RAP1GAP2: variants seen among roughly 807,000 people sequenced by gnomAD.
RAP1GAP2 encodes the protein RAP1 GTPase activating protein 2.
A neutral mutation model predicts 95.0 loss-of-function variants in RAP1GAP2; 27 were observed. The observed-to-expected ratio is 0.28, with a 90% CI of 0.21 to 0.39. RAP1GAP2 has a LOEUF of 0.39. Among genes scored for constraint, RAP1GAP2 ranks in the 10% least tolerant of loss-of-function variants. The pLI, the probability that RAP1GAP2 is intolerant of heterozygous loss-of-function variation, is 1.00. For missense variants in RAP1GAP2, 771 were observed against 970.0 expected (o/e 0.79, Z 2.72); for synonymous variants, 373 against 380.9 (o/e 0.98, Z 0.24).
At chr17:2,869,987 G>A (rs1304466442) in intron 2 of RAP1GAP2, among the ~76,000 whole-genome samples, 1 of 152,164 alleles carries the variant, frequency 6.6e-6, no homozygotes, top group African/African-American at 2.4e-5. Flanking sequence ...CCTGCTTTGA[G>A]ATGGGCAGCA....
chr17:3,032,343 G>C (rs1401037387), intron 23 of RAP1GAP2, 68 bp from the exon 24 acceptor site: 4 of 1,596,750 alleles, frequency 2.5e-6, no homozygotes, highest in Non-Finnish European at 3.4e-6. Flanking sequence ...TGAGTGCACA[G>C]AGCCGCCGTG....
chr17:2,968,194 A>C (rs1311123666), intron 8 of RAP1GAP2, among the ~76,000 whole-genome samples: 1 of 152,242 alleles, frequency 6.6e-6, no homozygotes, highest in Non-Finnish European at 1.5e-5. Flanking sequence ...GAGTGAGCCA[A>C]CAGAATGGGA....
chr17:2,770,728 T>C (rs746497214), intron 2 of RAP1GAP2, among the ~76,000 whole-genome samples: 10 of 152,242 alleles, frequency 6.6e-5, no homozygotes, highest in Non-Finnish European at 1.3e-4. Context: ...CAGTGAAATA[T>C]GACTGCAGAG....
Position 2,902,466 on chromosome 17 carries a change from G to A in RAP1GAP2, c.81-2818G>A, listed in dbSNP as rs183270840. Among the ~76,000 whole-genome samples the A allele has an allele frequency of 3.9e-5, 6 of 152,182 alleles. No homozygotes were observed. The highest frequency in any genetic ancestry group is 3.9e-4 in the East Asian group (2 of 5,164). Reference sequence around the variant, plus strand: ...TCCTGACCTCAAGTGATCCACCCCCGTCTCAGCCTCCCAAAATGGTGGGAT... The same window carrying A: ...TCCTGACCTCAAGTGATCCACCCCCATCTCAGCCTCCCAAAATGGTGGGAT... On this transcript the variant is annotated intron_variant, in intron 2 of 24. Transcript: ENST00000254695. The surrounding 1 kb of genome is among the most constrained non-coding windows in gnomAD (Gnocchi z 4.1).
chr17:2,918,432 C>CAA (rs533808717), intron 3 of RAP1GAP2, among the ~76,000 whole-genome samples: 7,612 of 64,940 alleles, frequency 0.12, 529 homozygotes, highest in East Asian at 0.34. Flanking sequence ...GACTCCATCT[C>CAA]AAAAAAAAAA....
intron 8 of RAP1GAP2, among the ~76,000 whole-genome samples, chr17:2,974,290 A>C (rs1026227242): frequency 5.3e-5 from 8 of 151,882 alleles, no homozygotes; most frequent in Admixed American, 1.3e-4. Context: ...CGGAGCTTGT[A>C]GTGAGCCGAG....
chr17:2,918,510 T>C (rs1026642991), intron 3 of RAP1GAP2, among the ~76,000 whole-genome samples: 2 of 150,646 alleles, frequency 1.3e-5, no homozygotes, highest in African/African-American at 4.9e-5. Context: ...GATGCTGACA[T>C]CTGCTTGGCT....
intron 8 of RAP1GAP2, among the ~76,000 whole-genome samples, chr17:2,969,546 G>C (rs1467722781): frequency 1.6e-5 from 2 of 121,498 alleles, no homozygotes; most frequent in Admixed American, 2.3e-4. Context: ...CTGTTGCCCA[G>C]GTTGGAGTGC....
At chr17:2,879,708 A>T (rs2073220044) in intron 2 of RAP1GAP2, among the ~76,000 whole-genome samples, 2 of 144,350 alleles carry the variant, frequency 1.4e-5, no homozygotes, top group South Asian at 4.3e-4. Flanking sequence ...CCTGGGCGAC[A>T]GGGCGAGACT....
In RAP1GAP2 at chr17:3,027,653, C is replaced by T. The variant is rs991058093; in HGVS notation, c.2107+583C>T. On this transcript the variant is annotated intron_variant, in intron 22 of 24. Coordinates refer to ENST00000254695, the MANE Select transcript of RAP1GAP2 (RefSeq NM_015085.5). The surrounding 1 kb of genome is among the most constrained non-coding windows in gnomAD (Gnocchi z 5.2). ...CCGGGTGAGGATTTTGTTCTGCTAG[C>T]GGCCACTGTTGGAGTGTTTGAAGGT... Among the ~76,000 whole-genome samples the T allele has an allele frequency of 2.0e-5, 3 of 152,012 alleles. No homozygotes were observed. Among genetic ancestry groups the T allele is most frequent in the South Asian group, 2.1e-4 (1 of 4,826 alleles).
At chr17:2,995,246 TCTGCTGCGTATA>T in intron 12 of RAP1GAP2, 79 bp from the exon 13 acceptor site, 1 of 1,454,364 alleles carries the variant, frequency 6.9e-7, no homozygotes. Flanking sequence ...CTGCGTATCC[TCTGCTGCGTATA>T]CTTAGGGGAG....
intron 3 of RAP1GAP2, among the ~76,000 whole-genome samples, chr17:2,945,621 A>G (rs1458045276): frequency 6.7e-6 from 1 of 149,994 alleles, no homozygotes; most frequent in East Asian, 2.0e-4. Context: ...TTTTTTTTTA[A>G]TGCCTTTTAT....
At chr17:2,896,651 G>A (rs1409752514) in intron 2 of RAP1GAP2, among the ~76,000 whole-genome samples, 1 of 152,200 alleles carries the variant, frequency 6.6e-6, no homozygotes. Context: ...GCACGAGGGG[G>A]CCCCAGGTGC....
At chr17:2,923,666 T>TG (rs1441546272) in intron 3 of RAP1GAP2, among the ~76,000 whole-genome samples, 2 of 152,036 alleles carry the variant, frequency 1.3e-5, no homozygotes, top group South Asian at 2.1e-4. Flanking sequence ...AGTTTTTTTT[T>TG]TGTGTGTGTG....
upstream of RAP1GAP2, among the ~76,000 whole-genome samples, chr17:2,793,377 C>T (rs543319082): frequency 6.6e-6 from 1 of 152,338 alleles, no homozygotes; most frequent in Admixed American, 6.5e-5. Flanking sequence ...TGGTCTCGAA[C>T]TCCTGACCTC....
Position 2,965,706 on chromosome 17 carries a change from G to C in RAP1GAP2, c.596+63G>C. On this transcript the variant is annotated intron_variant, in intron 8 of 24. Coordinates refer to ENST00000254695, the MANE Select transcript of RAP1GAP2 (RefSeq NM_015085.5). The surrounding 1 kb of genome is among the most constrained non-coding windows in gnomAD (Gnocchi z 4.7). ...AGGCAGGGCTCTCATCGGTGGTGTG[G>C]GGGCTGGGATGGGACTCAGAAATAC... 2 of 1,272,472 alleles carry C rather than the reference G, an allele frequency of 1.6e-6. No homozygotes were observed. The highest frequency in any genetic ancestry group is 3.9e-5 in the Admixed American group (2 of 50,826). 78.8% of individuals were successfully genotyped at this position (1,272,472 alleles called of 1,614,324 possible).
chr17:2,773,759 AT>A (rs2068441671), upstream of RAP1GAP2, among the ~76,000 whole-genome samples: 1 of 119,630 alleles, frequency 8.4e-6, no homozygotes, highest in Non-Finnish European at 1.8e-5. Flanking sequence ...TTATTTATTT[AT>A]TTATTTATTC....
chr17:2,794,041 G>A (rs2069000270), upstream of RAP1GAP2, among the ~76,000 whole-genome samples: 2 of 149,594 alleles, frequency 1.3e-5, no homozygotes, highest in South Asian at 4.2e-4. Flanking sequence ...GGAGGTTGCA[G>A]TGAGCCGTGC....
chr17:2,813,344 G>A (rs1207870098), intron 2 of RAP1GAP2, among the ~76,000 whole-genome samples: 1 of 152,038 alleles, frequency 6.6e-6, no homozygotes, highest in Admixed American at 6.6e-5. Context: ...CAAAGTGCTG[G>A]GAATACAGGC....
Sources: gnomAD v4.1 joint callset for allele counts (sites outside exome capture counted in the v4.1 genomes callset) on GRCh38, gnomAD v4.1.1 for gene constraint, Gnocchi (gnomAD v3.1) non-coding constraint, MANE v1.5 for transcripts, NCBI Gene and HGNC (gene_info 2026-07-23, HGNC 2026-07-21) for gene names.